The following ARHGAP17 variants were observed in gnomAD, a reference collection of about 807,000 sequenced individuals.
ARHGAP17 encodes Rho GTPase activating protein 17, also known as rho GTPase-activating protein 17.
A neutral mutation model predicts 99.5 loss-of-function variants in ARHGAP17; 57 were observed. That is an observed-to-expected ratio of 0.57 (90% CI 0.46 to 0.71). The LOEUF (loss-of-function observed/expected upper bound fraction) is 0.71, where lower values mean the gene tolerates loss of function less well. Ranked by LOEUF, ARHGAP17 falls within the 30% of genes least tolerant of loss-of-function variation. The probability of loss-of-function intolerance (pLI) is 0.00; values close to 1 mark genes in which losing one functional copy is unlikely to be tolerated. For synonymous variants in ARHGAP17, 417 were observed against 429.6 expected, an observed-to-expected ratio of 0.97 and a Z score of 0.36; for missense variants, 1,000 against 1,122.4, an observed-to-expected ratio of 0.89 and a Z score of 1.56.
At chr16:24,982,985 T>TATATAC (rs1555467495) in intron 1 of ARHGAP17, among the ~76,000 whole-genome samples, 5 of 29,724 alleles carry the variant, frequency 1.7e-4, no homozygotes, top group African/African-American at 8.2e-4. Context: ...TATATATATA[T>TATATAC]ATATATATAT....
At chr16:24,971,382 T>G (rs1322359263) in intron 3 of ARHGAP17, among the ~76,000 whole-genome samples, 2 of 148,376 alleles carry the variant, frequency 1.3e-5, no homozygotes, top group East Asian at 4.0e-4. Flanking sequence ...TAGGCTAGAG[T>G]GTAGTGGGGC....
At chr16:24,966,478 C>T (rs912659529) in intron 6 of ARHGAP17, among the ~76,000 whole-genome samples, 3 of 152,066 alleles carry the variant, frequency 2.0e-5, no homozygotes, top group African/African-American at 7.2e-5. Context: ...ACTAAAAATA[C>T]AAAAATTAGC....
At chr16:24,969,509 CCTCT>C (rs145430591) in intron 4 of ARHGAP17, among the ~76,000 whole-genome samples, 3,834 of 152,302 alleles carry the variant, frequency 0.025, 68 homozygotes, top group Non-Finnish European at 0.039. Flanking sequence ...ATTTCCCTGC[CCTCT>C]CTGTCAGTAT....
rs2050970328 is a variant in ARHGAP17 at position 24,930,989 on chromosome 16, G to T, written c.2310C>A (p.Asn770Lys). The T allele has an allele frequency of 1.2e-6, 2 of 1,613,772 alleles. No homozygotes were observed. The highest frequency in any genetic ancestry group is 4.5e-5 in the East Asian group (2 of 44,858). Residue 770 changes from asparagine to lysine, a missense_variant, in exon 19 of 20, where the codon AAC becomes AAA. By Grantham distance (94) the Asn-to-Lys change is moderately conservative. Transcript: ENST00000289968. ...PPSTPPLGKQ[N>K]PSLPAPQTLA... ...GGGTCTGAGGAGCTGGCAGACTGGG[G>T]TTCTGTTTTCCTAGGGGCGGAGTAC...
chr16:24,931,524 T>C, intron 18 of ARHGAP17, 120 bp from the exon 19 acceptor site: 1 of 1,040,316 alleles, frequency 9.6e-7, no homozygotes, highest in Admixed American at 3.5e-5. Flanking sequence ...GTACCTCTGA[T>C]GAGAGGTGGT....
At chr16:25,009,380 AG>A in intron 1 of ARHGAP17, among the ~76,000 whole-genome samples, 1 of 139,822 alleles carries the variant, frequency 7.2e-6, no homozygotes, top group South Asian at 2.3e-4. Context: ...AAAAAAAAAA[AG>A]GGTGGGGGGA....
At chr16:24,963,286 A>G (rs2052068311) in intron 7 of ARHGAP17, among the ~76,000 whole-genome samples, 2 of 152,194 alleles carry the variant, frequency 1.3e-5, no homozygotes, top group Non-Finnish European at 2.9e-5. Flanking sequence ...GTTTAGTTTT[A>G]ATTTCTACCC....
At chr16:24,988,589 A>G (rs1432047420) in intron 1 of ARHGAP17, among the ~76,000 whole-genome samples, 1 of 152,168 alleles carries the variant, frequency 6.6e-6, no homozygotes, top group African/African-American at 2.4e-5. Context: ...TCTTGATAAT[A>G]TTATTTGAAT....
At chr16:24,948,506 T>G (rs2051539898) in intron 13 of ARHGAP17, among the ~76,000 whole-genome samples, 1 of 152,064 alleles carries the variant, frequency 6.6e-6, no homozygotes, top group South Asian at 2.1e-4. Context: ...TAGTAACAAT[T>G]ACAGAGTAAA....
Position 25,015,226 on chromosome 16 carries a change from A to G in ARHGAP17, c.36T>C (p.Ala12=), listed in dbSNP as rs2053755454. ...KKQFNRMKQL[A]NQTVGRAEKT... ...GCACTCGCCTGCCCACGGTCTGGTT[A>G]GCCAGCTGCTTCATGCGGTTGAACT... is the stretch of plus-strand genomic sequence containing the variant. Residue 12 remains alanine (A), a synonymous_variant, in exon 1 of 20, where the codon GCT becomes GCC. Transcript: ENST00000289968. 8.1e-6 allele frequency: 11 copies of G among 1,357,736 alleles called. No individual in the cohort carries two copies. The highest frequency in any genetic ancestry group is 9.6e-6 in the Non-Finnish European group (10 of 1,044,726). 84.1% of individuals were successfully genotyped at this position (1,357,736 alleles called of 1,614,324 possible).
At chr16:25,014,650 T>C (rs541309798) in intron 1 of ARHGAP17, among the ~76,000 whole-genome samples, 3 of 152,244 alleles carry the variant, frequency 2.0e-5, no homozygotes, top group Admixed American at 2.0e-4. Flanking sequence ...ACCTCCGAAT[T>C]CCCTCAAAGG....
intron 3 of ARHGAP17, among the ~76,000 whole-genome samples, chr16:24,976,623 A>AGAGGG (rs1261601105): frequency 6.6e-6 from 1 of 151,906 alleles, no homozygotes; most frequent in Non-Finnish European, 1.5e-5. Flanking sequence ...AAAAGAGGCG[A>AGAGGG]GAGGGGAGGG....
rs2052255719 is a variant in ARHGAP17 at position 24,968,419 on chromosome 16, A to G, written c.393T>C (p.Ile131=). Residue 131 remains isoleucine (I), a synonymous_variant, in exon 6 of 20, where the codon ATT becomes ATC. Coordinates refer to ENST00000289968, the MANE Select transcript of ARHGAP17 (RefSeq NM_001006634.3). ...DPLYGIAEVE[I]PNIQKQRKQL... ...GCTTCCTCTGCTTCTGGATGTTGGG[A>G]ATCTCCACCTAAAAATAAGAACATA... 3 of 1,614,212 alleles carry G rather than the reference A, an allele frequency of 1.9e-6. No individual in the cohort carries two copies. The highest frequency in any genetic ancestry group is 2.2e-5 in the South Asian group (2 of 91,084).
intron 1 of ARHGAP17, among the ~76,000 whole-genome samples, chr16:25,007,107 G>A (rs2053527710): frequency 1.3e-5 from 2 of 152,136 alleles, no homozygotes. Context: ...TAAAAAGAGG[G>A]CTCCTATTTT....
At chr16:24,988,100 T>G (rs1199486286) in intron 1 of ARHGAP17, among the ~76,000 whole-genome samples, 1 of 152,196 alleles carries the variant, frequency 6.6e-6, no homozygotes, top group Non-Finnish European at 1.5e-5. Context: ...GAGCCCAGTT[T>G]GGATGCAATA....
chr16:24,952,429 A>G, intron 11 of ARHGAP17, 59 bp from the exon 12 acceptor site: 1 of 1,380,788 alleles, frequency 7.2e-7, no homozygotes, highest in Non-Finnish European at 1.0e-6. Context: ...GAATCTTGGG[A>G]CATATTATTT....
chr16:24,981,723 T>G (rs941122780), intron 1 of ARHGAP17, among the ~76,000 whole-genome samples: 1 of 152,112 alleles, frequency 6.6e-6, no homozygotes, highest in Non-Finnish European at 1.5e-5. Flanking sequence ...AGTTTTGAGG[T>G]TTTTTAAAAA....
chr16:24,935,869 G>T (rs1597371380), intron 17 of ARHGAP17: 2 of 530,720 alleles, frequency 3.8e-6, no homozygotes, highest in East Asian at 7.2e-5. Flanking sequence ...ATGAGGTCTT[G>T]CTATGTTGCC....
chr16:24,926,064 C>T (rs1328735651), intron 19 of ARHGAP17, among the ~76,000 whole-genome samples: 19 of 143,296 alleles, frequency 1.3e-4, no homozygotes, highest in Admixed American at 4.9e-4. Context: ...GAGCCAAGAT[C>T]GTGCCACTGC....
Sources: allele counts gnomAD v4.1 joint callset (sites outside exome capture counted in the v4.1 genomes callset), GRCh38; gene constraint gnomAD v4.1.1; transcripts MANE v1.5; gene names NCBI Gene and HGNC (gene_info 2026-07-23, HGNC 2026-07-21).